The following POC1B variants were observed in gnomAD, a reference collection of about 807,000 sequenced individuals.
The protein encoded by POC1B is POC1 centriolar protein homolog B.
A neutral mutation model predicts 60.6 loss-of-function variants in POC1B; 44 were observed. That is an observed-to-expected ratio of 0.73 (90% CI 0.57 to 0.93). POC1B has a LOEUF of 0.93. Ranked by LOEUF, POC1B falls within the 40% of genes least tolerant of loss-of-function variation. The probability of loss-of-function intolerance (pLI) is 0.00; values close to 1 mark genes in which losing one functional copy is unlikely to be tolerated. For missense variants in POC1B, 555 were observed against 572.3 expected (o/e 0.97, Z 0.31); for synonymous variants, 180 against 198.9 (o/e 0.90, Z 0.80).
chr12:89,501,420 TA>T, intron 2 of POC1B: 1 of 1,002,476 alleles, frequency 1.0e-6, no homozygotes, highest in Non-Finnish European at 1.6e-6. Flanking sequence ...TGGGACAGAC[TA>T]AAGATGAAAA....
In POC1B at chr12:89,491,964, G is replaced by C; in HGVS notation, c.424C>G (p.Arg142Gly). The change falls in exon 4 of 12, where the codon CGA becomes GGA. Residue 142 changes from arginine (R) to glycine (G), a missense_variant. By Grantham distance (125) the Arg-to-Gly change is moderately radical. Transcript: ENST00000313546. The part of the protein sequence containing the change: ...YRQRFLYSLY[R>G]HTHWVRCAKF... ...GCACAGCGTACCCAGTGTGTATGTC[G>C]ATACAAGGAATACAGGAAGCGCTGG... 1.3e-6 allele frequency: 2 copies of C among 1,577,634 alleles called. No individual in the cohort carries two copies. Among genetic ancestry groups the C allele is most frequent in the Non-Finnish European group, 1.7e-6 (2 of 1,166,572 alleles).
the POC1B span, among the ~76,000 whole-genome samples, chr12:89,404,992 C>G: frequency 6.6e-5 from 10 of 152,272 alleles, no homozygotes; most frequent in Admixed American, 4.6e-4. Context: ...AGTGGCAACC[C>G]ATGGTGAGCA....
intron 3 of POC1B, among the ~76,000 whole-genome samples, chr12:89,496,851 C>G (rs1446954873): frequency 1.3e-5 from 2 of 152,196 alleles, no homozygotes; most frequent in African/African-American, 2.4e-5. Flanking sequence ...TTTGGTTATA[C>G]ATACTGATGT....
chr12:89,491,605 CAA>C (rs1180050205), intron 4 of POC1B, among the ~76,000 whole-genome samples: 1 of 105,110 alleles, frequency 9.5e-6, no homozygotes, highest in Non-Finnish European at 1.9e-5. Context: ...GCCTGGGTAA[CAA>C]GAGTGAGACC....
chr12:89,518,046 C>A (rs1409135900), intron 2 of POC1B, among the ~76,000 whole-genome samples: 1 of 151,990 alleles, frequency 6.6e-6, no homozygotes, highest in Non-Finnish European at 1.5e-5. Context: ...AAAAGTAGTA[C>A]CCCAATAATT....
intron 2 of POC1B, among the ~76,000 whole-genome samples, chr12:89,506,173 G>A (rs1313355605): frequency 1.3e-5 from 2 of 152,186 alleles, no homozygotes; most frequent in African/African-American, 4.8e-5. Context: ...GTACAGTGTG[G>A]TGGTTAAAAG....
chr12:89,497,474 AG>A, intron 2 of POC1B, 132 bp from the exon 3 acceptor site: 2 of 822,718 alleles, frequency 2.4e-6, no homozygotes, highest in East Asian at 2.7e-5. Context: ...AAGGCTGCCC[AG>A]GTAATAGCCA....
At chr12:89,403,317 T>C in the POC1B span, among the ~76,000 whole-genome samples, 1 of 152,170 alleles carries the variant, frequency 6.6e-6, no homozygotes, top group African/African-American at 2.4e-5. Context: ...CTGACACACG[T>C]ACATTTTTAA....
chr12:89,422,463 C>G (rs934512047), intron 11 of POC1B, among the ~76,000 whole-genome samples: 1 of 152,210 alleles, frequency 6.6e-6, no homozygotes, highest in Non-Finnish European at 1.5e-5. Context: ...AAACTGCACA[C>G]TCAGGGTGCA....
rs1882929594 is a variant in POC1B at position 89,472,278 on chromosome 12, A to G, written c.453-3T>C. On this transcript the variant is annotated splice_polypyrimidine_tract_variant and splice_region_variant and intron_variant, in intron 4 of 11. Transcript: ENST00000313546. ...TTAGTCTTCCATCGGGTGAAAATCT[A>G]GAAAGAAGAAGAAAGAAGATGTTTT... The G allele has an allele frequency of 2.5e-6, 1 of 406,572 alleles. No individual in the cohort carries two copies. The highest frequency in any genetic ancestry group is 3.3e-6 in the Non-Finnish European group (1 of 304,722). The allele number at this position is 406,572 out of a possible 1,614,324, so 25.2% of individuals were successfully genotyped here.
chr12:89,411,233 C>G, the POC1B span, among the ~76,000 whole-genome samples: 1 of 152,182 alleles, frequency 6.6e-6, no homozygotes. Context: ...TCCCATCAAG[C>G]TACCATTGGC....
rs1487940626 is a variant in POC1B at position 89,472,178 on chromosome 12, C to G, written c.550G>C (p.Asp184His). 7 of 1,581,734 alleles carry G rather than the reference C, an allele frequency of 4.4e-6. No homozygotes were observed. Among genetic ancestry groups the G allele is most frequent in the Non-Finnish European group, 6.1e-6 (7 of 1,152,612 alleles). Reference protein sequence around the residue: ...TNKQCVNNFSDSVGFANFVDF... With the variant: ...TNKQCVNNFSHSVGFANFVDF... ...AGAAAGTGTACTTACCCAACGGAATCTGAGAAGTTATTAACACATTGCTTA... is the reference window on the plus strand; with the variant it reads ...AGAAAGTGTACTTACCCAACGGAATGTGAGAAGTTATTAACACATTGCTTA... The change falls in exon 5 of 12, where the codon GAT (aspartate) becomes CAT (histidine). Residue 184 changes from aspartate to histidine, a missense_variant. Transcript: ENST00000313546.
At chr12:89,465,367 C>G (rs1480242041) in intron 9 of POC1B, among the ~76,000 whole-genome samples, 1 of 152,132 alleles carries the variant, frequency 6.6e-6, no homozygotes. Context: ...GGAAAGCAGT[C>G]TCGGGATCAG....
chr12:89,452,470 T>C (rs1235754760), intron 10 of POC1B, among the ~76,000 whole-genome samples: 1 of 152,072 alleles, frequency 6.6e-6, no homozygotes, highest in African/African-American at 2.4e-5. Context: ...CGTTTGTCAA[T>C]AGGAGTAAGG....
At chr12:89,513,250 GAAAAAAA>G (rs58165369) in intron 2 of POC1B, among the ~76,000 whole-genome samples, 1 of 129,160 alleles carries the variant, frequency 7.7e-6, no homozygotes, top group East Asian at 2.4e-4. Flanking sequence ...TCAAGAATTT[GAAAAAAA>G]AAAAAAAAAA....
At chr12:89,437,237 C>T (rs1881307029) in intron 10 of POC1B, among the ~76,000 whole-genome samples, 1 of 152,138 alleles carries the variant, frequency 6.6e-6, no homozygotes, top group Non-Finnish European at 1.5e-5. Flanking sequence ...AGTAACTGTT[C>T]TAAAATCCAA....
At chr12:89,443,082 G>A (rs1455781525) in intron 10 of POC1B, among the ~76,000 whole-genome samples, 2 of 152,184 alleles carry the variant, frequency 1.3e-5, no homozygotes, top group Non-Finnish European at 2.9e-5. Flanking sequence ...ACCCAATGCA[G>A]GAGCACCCAG....
chr12:89,407,925 T>A, the POC1B span, among the ~76,000 whole-genome samples: 1 of 152,170 alleles, frequency 6.6e-6, no homozygotes, highest in Admixed American at 6.5e-5. Context: ...TCATCTACAT[T>A]AGGTATTTCC....
At position 89,473,413 on chromosome 12, in the gene POC1B, G is replaced by A. The variant is rs140631483; in HGVS notation, c.453-1138C>T. Among the ~76,000 whole-genome samples the A allele has an allele frequency of 3.0e-3, 451 of 152,286 alleles. 3 individuals carry two copies. The highest frequency in any genetic ancestry group is 0.011 in the African/African-American group (441 of 41,544). On this transcript the variant is annotated intron_variant, in intron 4 of 11. Transcript: ENST00000313546. The stretch of plus-strand genomic sequence containing the variant: ...AGTCTGGGTGCAGTGGCTCATGCCC[G>A]TAATCCCAGCACTTTGGGAGGCTGA...
Sources: gnomAD v4.1 joint callset for allele counts (sites outside exome capture counted in the v4.1 genomes callset) on GRCh38, gnomAD v4.1.1 for gene constraint, MANE v1.5 for transcripts, NCBI Gene and HGNC (gene_info 2026-07-23, HGNC 2026-07-21) for gene names.